The following SH3RF3 variants were observed in gnomAD, a reference collection of about 807,000 sequenced individuals.
SH3RF3 encodes E3 ubiquitin-protein ligase SH3RF3.
In SH3RF3, 29 loss-of-function variants were observed where a neutral mutation model predicts 66.3. The ratio of observed to expected loss-of-function variants is 0.44; its 90% CI spans 0.33 to 0.60. The LOEUF (loss-of-function observed/expected upper bound fraction) is 0.60, where lower values mean the gene tolerates loss of function less well. Ranked by LOEUF, SH3RF3 falls within the 20% of genes least tolerant of loss-of-function variation. The pLI is 0.04. For synonymous variants in SH3RF3, 583 were observed against 532.0 expected, an observed-to-expected ratio of 1.10 and a Z score of -1.32; for missense variants, 1,194 against 1,190.9, an observed-to-expected ratio of 1.00 and a Z score of -0.04.
At chr2:109,468,726 C>A (rs1276264211) in intron 8 of SH3RF3, among the ~76,000 whole-genome samples, 2 of 151,596 alleles carry the variant, frequency 1.3e-5, no homozygotes, top group Non-Finnish European at 2.9e-5. Context: ...TGGTGGCGGG[C>A]ACCTGTAATC....
At chr2:109,481,723 T>C (rs554053655) in intron 8 of SH3RF3, among the ~76,000 whole-genome samples, 1 of 152,234 alleles carries the variant, frequency 6.6e-6, no homozygotes, top group South Asian at 2.1e-4. Context: ...GAGAGCACAC[T>C]AAGTGCAGAC....
At chr2:109,378,152 GCTCCTCT>G (rs1683432378) in intron 3 of SH3RF3, among the ~76,000 whole-genome samples, 1 of 152,214 alleles carries the variant, frequency 6.6e-6, no homozygotes, top group Admixed American at 6.5e-5. Flanking sequence ...CTGAACTGAG[GCTCCTCT>G]CTCCTCCGCA....
chr2:109,467,077 G>A (rs548901176), intron 8 of SH3RF3, among the ~76,000 whole-genome samples: 2 of 152,210 alleles, frequency 1.3e-5, no homozygotes, highest in South Asian at 2.1e-4. Flanking sequence ...CAACTACTTG[G>A]GAAAATGGTT....
At chr2:109,450,460 G>A (rs896894328) in intron 8 of SH3RF3, among the ~76,000 whole-genome samples, 1 of 152,168 alleles carries the variant, frequency 6.6e-6, no homozygotes, top group Non-Finnish European at 1.5e-5. Context: ...AATCAGTGCT[G>A]TCCAGCAGAA....
chr2:109,441,896 A>G (rs1677573848), intron 7 of SH3RF3, among the ~76,000 whole-genome samples: 2 of 152,256 alleles, frequency 1.3e-5, no homozygotes, highest in African/African-American at 4.8e-5. Flanking sequence ...ACCAAAAAAC[A>G]TACTGAAAGA....
chr2:109,466,666 G>C (rs370131227), intron 8 of SH3RF3, among the ~76,000 whole-genome samples: 3 of 152,172 alleles, frequency 2.0e-5, no homozygotes, highest in East Asian at 1.9e-4. Context: ...AGGTCCTCTA[G>C]ATTTTTCCAT....
intron 1 of SH3RF3, among the ~76,000 whole-genome samples, chr2:109,178,984 T>C (rs1017454797): frequency 4.1e-5 from 6 of 146,842 alleles, no homozygotes; most frequent in Middle Eastern, 7.3e-3. Flanking sequence ...AAATACTTTT[T>C]TTCTTATAAA....
At position 109,466,947 on chromosome 2, in the gene SH3RF3, A is replaced by G. The variant is rs181217693; in HGVS notation, c.2148+17458A>G. On this transcript the variant is annotated intron_variant, in intron 8 of 9. Coordinates refer to ENST00000309415, the MANE Select transcript of SH3RF3 (RefSeq NM_001099289.3). ...TATGTATGCATGTATGTGTGTGTCT[A>G]TATATCTGTGTGCATGTGTGTGTAT... is the stretch of plus-strand genomic sequence containing the variant. 2.8e-4 allele frequency among the ~76,000 whole-genome samples: 39 copies of G among 140,388 alleles called. No homozygotes were observed. In the East Asian group the frequency reaches 6.8e-3, roughly 24 times the overall value. 92.1% of individuals were successfully genotyped at this position (140,388 alleles called of 152,430 possible). A position where few individuals can be genotyped will look rare whatever the true frequency, so the allele number is the denominator to read the frequency against.
Position 109,393,033 on chromosome 2 carries a change from G to A in SH3RF3, c.946-5557G>A, listed in dbSNP as rs563669129. On this transcript the variant is annotated intron_variant, in intron 3 of 9. Coordinates refer to ENST00000309415, the MANE Select transcript of SH3RF3 (RefSeq NM_001099289.3). ...GTTTTACAACTGGCAAGTGTTGATC[G>A]AAGTCCAGCCCAGCCCAGCCATCTT... Among the ~76,000 whole-genome samples, 188 of 152,004 alleles carry A rather than the reference G, an allele frequency of 1.2e-3. 1 individual carries two copies. The highest frequency in any genetic ancestry group is 2.4e-3 in the Non-Finnish European group (160 of 67,924).
intron 2 of SH3RF3, among the ~76,000 whole-genome samples, chr2:109,367,119 AT>A (rs150005222): frequency 0.22 from 25,435 of 113,148 alleles, 2,703 homozygotes; most frequent in East Asian, 0.54. Flanking sequence ...TGCCCTGGTA[AT>A]TTTTTTTTTT....
intron 4 of SH3RF3, among the ~76,000 whole-genome samples, chr2:109,414,213 G>A (rs574567985): frequency 1.3e-5 from 2 of 152,284 alleles, no homozygotes; most frequent in African/African-American, 4.8e-5. Flanking sequence ...TTGGCTTCAG[G>A]ACAACGATCA....
Position 109,503,796 on chromosome 2 carries a change from T to G in SH3RF3, c.*2125T>G, listed in dbSNP as rs1679457827. On this transcript the variant is annotated 3_prime_UTR_variant, in exon 10 of 10. Coordinates refer to ENST00000309415, the MANE Select transcript of SH3RF3 (RefSeq NM_001099289.3). Reference sequence around the variant, plus strand: ...TAGAGTAACCTGAACGTTCTTACTCTCCCAGGCATGGCCCACGTGGTGCTT... The same window carrying G: ...TAGAGTAACCTGAACGTTCTTACTCGCCCAGGCATGGCCCACGTGGTGCTT... 1 of 152,152 alleles carries G rather than the reference T, an allele frequency of 6.6e-6. No individual in the cohort carries two copies. The highest frequency in any genetic ancestry group is 6.5e-5 in the Admixed American group (1 of 15,278). The allele number at this position is 152,152 out of a possible 1,614,324, so 9.4% of individuals were successfully genotyped here.
chr2:109,451,119 T>C (rs1677855855), intron 8 of SH3RF3, among the ~76,000 whole-genome samples: 1 of 152,220 alleles, frequency 6.6e-6, no homozygotes, highest in South Asian at 2.1e-4. Flanking sequence ...TCCAGAGCAA[T>C]GGTTGTTCCC....
intron 2 of SH3RF3, among the ~76,000 whole-genome samples, chr2:109,369,066 C>T (rs531975678): frequency 2.6e-4 from 40 of 152,204 alleles, no homozygotes; most frequent in Non-Finnish European, 4.9e-4. Context: ...CACACTTGGC[C>T]GGGCATGGTG....
chr2:109,388,140 T>C (rs993325938), intron 3 of SH3RF3, among the ~76,000 whole-genome samples: 1 of 152,158 alleles, frequency 6.6e-6, no homozygotes, highest in African/African-American at 2.4e-5. Flanking sequence ...TCCATGACCT[T>C]GAAATACTTA....
chr2:109,324,076 G>A (rs886804908), intron 1 of SH3RF3, among the ~76,000 whole-genome samples: 3 of 152,156 alleles, frequency 2.0e-5, no homozygotes, highest in African/African-American at 7.2e-5. Flanking sequence ...GGCCTTTTGT[G>A]TCTTACTTCT....
intron 1 of SH3RF3, among the ~76,000 whole-genome samples, chr2:109,294,589 TAA>T (rs35974168): frequency 0.025 from 3,574 of 141,322 alleles, 149 homozygotes; most frequent in African/African-American, 0.086. Flanking sequence ...AAAAAAAAGG[TAA>T]AAAAAAAAAA....
intron 3 of SH3RF3, among the ~76,000 whole-genome samples, chr2:109,381,236 C>T (rs969078864): frequency 2.6e-5 from 4 of 152,232 alleles, no homozygotes; most frequent in African/African-American, 7.2e-5. Context: ...GCTGCTGGAG[C>T]GTCTGGCCTG....
chr2:109,132,080 A>G (rs1270302695), intron 1 of SH3RF3, among the ~76,000 whole-genome samples: 1 of 152,196 alleles, frequency 6.6e-6, no homozygotes, highest in Non-Finnish European at 1.5e-5. Context: ...GTCCATTGGA[A>G]TTGCTTGACT....
Sources: allele counts gnomAD v4.1 joint callset (sites outside exome capture counted in the v4.1 genomes callset), GRCh38; gene constraint gnomAD v4.1.1; transcripts MANE v1.5; gene names NCBI Gene and HGNC (gene_info 2026-07-23, HGNC 2026-07-21).